FMN1: variants seen among roughly 807,000 people sequenced by gnomAD.
FMN1 encodes the protein formin-1.
A neutral mutation model predicts 132.4 loss-of-function variants in FMN1; 110 were observed. That is an observed-to-expected ratio of 0.83 (90% CI 0.71 to 0.97). The LOEUF (loss-of-function observed/expected upper bound fraction) is 0.97. FMN1 is among the 50% of genes least tolerant of loss of function. The pLI, the probability that FMN1 is intolerant of heterozygous loss-of-function variation, is 0.00. For synonymous variants in FMN1, 722 were observed against 651.7 expected (o/e 1.11, Z -1.64); for missense variants, 1,792 against 1,705.3 (o/e 1.05, Z -0.90).
At chr15:33,099,376 G>A (rs2039207782) in intron 4 of FMN1, among the ~76,000 whole-genome samples, 1 of 152,216 alleles carries the variant, frequency 6.6e-6, no homozygotes, top group Non-Finnish European at 1.5e-5. Flanking sequence ...CAGGAATCAT[G>A]TTTATTTCCT....
chr15:33,153,648 T>G lies in FMN1; in HGVS notation c.1267A>C (p.Lys423Gln). ...TCTAACTTCTCACTCTCTATCACCT[T>G]CAGGGGGACCTTGTTCACGGCCCCC... The part of the protein sequence containing the change: ...AEGAVNKVPL[K>Q]VIESEKLDEA... Residue 423 changes from lysine (K) to glutamine (Q), a missense_variant, in exon 4 of 21, where the codon AAG becomes CAG. Lys to Gln is a moderately conservative substitution (Grantham distance 53). Around this residue, in one of 3 missense-constraint regions of FMN1, gnomAD observed 638 missense variants for 645.2 expected, o/e 0.99. Coordinates refer to ENST00000616417, the MANE Select transcript of FMN1 (RefSeq NM_001277313.2). The G allele has an allele frequency of 6.5e-7, 1 of 1,536,314 alleles. No homozygotes were observed. Among genetic ancestry groups the G allele is most frequent in the Non-Finnish European group, 8.7e-7 (1 of 1,146,946 alleles).
At chr15:32,895,385 T>C (rs2060129388) in intron 15 of FMN1, among the ~76,000 whole-genome samples, 1 of 151,896 alleles carries the variant, frequency 6.6e-6, no homozygotes. Context: ...AAACACAACC[T>C]TGCTTGCCCA....
intron 8 of FMN1, among the ~76,000 whole-genome samples, chr15:32,964,925 T>A (rs899540199): frequency 1.7e-4 from 26 of 152,282 alleles, no homozygotes; most frequent in African/African-American, 6.0e-4. Context: ...ATAGGGAAAC[T>A]GGGCTGTTTC....
intron 7 of FMN1, among the ~76,000 whole-genome samples, chr15:32,982,705 C>G (rs2032775055): frequency 6.6e-6 from 1 of 152,104 alleles, no homozygotes; most frequent in African/African-American, 2.4e-5. Context: ...GACTGACTCT[C>G]CCACTACTAA....
Position 32,868,939 on chromosome 15 carries a change from TGTG to T in FMN1, c.3836-11835_3836-11833del, listed in dbSNP as rs1477545940. Among the ~76,000 whole-genome samples, 3 of 152,168 alleles carry T rather than the reference TGTG, an allele frequency of 2.0e-5. No individual in the cohort carries two copies. The East Asian group carries it at 5.8e-4, about 29-fold the overall frequency. On this transcript the variant is annotated intron_variant, in intron 16 of 20. Coordinates refer to ENST00000616417, the MANE Select transcript of FMN1 (RefSeq NM_001277313.2). The stretch of plus-strand genomic sequence containing the variant: ...AGGAAATGAACAAATTGTGATATAG[TGTG>T]GTGTGATGGAACGCTGGGTATAGGC...
At chr15:32,793,167 A>G (rs898547212) in intron 19 of FMN1, among the ~76,000 whole-genome samples, 1 of 152,000 alleles carries the variant, frequency 6.6e-6, no homozygotes, top group African/African-American at 2.4e-5. Flanking sequence ...TAATTCTTAC[A>G]GTTTTTTAGT....
At chr15:33,111,145 C>CT (rs2039686423) in intron 4 of FMN1, among the ~76,000 whole-genome samples, 1 of 152,122 alleles carries the variant, frequency 6.6e-6, no homozygotes, top group South Asian at 2.1e-4. Context: ...TTCCATGGTG[C>CT]TTTGCACATG....
chr15:33,048,678 C>T (rs2036828895), intron 6 of FMN1, among the ~76,000 whole-genome samples: 1 of 77,152 alleles, frequency 1.3e-5, no homozygotes, highest in Non-Finnish European at 3.0e-5. Flanking sequence ...TACAGTTCCA[C>T]ATGGCTGAGA....
In FMN1 at chr15:32,770,438, T is replaced by TAA. The variant is rs1325718066; in HGVS notation, c.*3870_*3871dup. 2.0e-5 allele frequency: 3 copies of TAA among 152,168 alleles called. No individual in the cohort carries two copies. Among genetic ancestry groups the TAA allele is most frequent in the African/African-American group, 7.2e-5 (3 of 41,422 alleles). The allele number at this position is 152,168 out of a possible 1,614,324, so 9.4% of individuals were successfully genotyped here. ...GAGAAAATGTGCAATCCCAGGCCAATAAGCAAATCTTTGCCCAAAATAAAC... is the reference window on the plus strand; with the variant it reads ...GAGAAAATGTGCAATCCCAGGCCAATAAAAGCAAATCTTTGCCCAAAATAAAC... On this transcript the variant is annotated 3_prime_UTR_variant, in exon 21 of 21. Transcript: ENST00000616417.
intron 4 of FMN1, among the ~76,000 whole-genome samples, chr15:33,127,398 A>T (rs1963194840): frequency 6.6e-6 from 1 of 152,214 alleles, no homozygotes; most frequent in Non-Finnish European, 1.5e-5. Context: ...TACCAGTCTC[A>T]AAGGATGGAC....
chr15:33,193,186 A>G (rs1199324080), intron 2 of FMN1, among the ~76,000 whole-genome samples: 1 of 152,032 alleles, frequency 6.6e-6, no homozygotes, highest in Non-Finnish European at 1.5e-5. Flanking sequence ...AAGACCCGAG[A>G]CCTCATTGAT....
intron 9 of FMN1, among the ~76,000 whole-genome samples, chr15:32,947,121 G>T (rs1300091187): frequency 2.0e-5 from 3 of 152,076 alleles, no homozygotes; most frequent in African/African-American, 7.2e-5. Flanking sequence ...AAGGCCAAAA[G>T]ATAGGCTCCT....
chr15:32,808,493 TG>T (rs1371134584), intron 17 of FMN1, among the ~76,000 whole-genome samples: 4 of 152,208 alleles, frequency 2.6e-5, no homozygotes, highest in African/African-American at 7.2e-5. Flanking sequence ...CAGAGTTAAA[TG>T]AAGTGTAGCA....
intron 6 of FMN1, among the ~76,000 whole-genome samples, chr15:33,017,449 TCAAC>T (rs1165278090): frequency 3.3e-5 from 5 of 152,014 alleles, no homozygotes; most frequent in Non-Finnish European, 7.3e-5. Context: ...AATTTTTCTA[TCAAC>T]CTAAAACTAC....
At chr15:33,127,856 T>G (rs796111191) in intron 4 of FMN1, among the ~76,000 whole-genome samples, 36 of 152,214 alleles carry the variant, frequency 2.4e-4, no homozygotes, top group African/African-American at 7.5e-4. Flanking sequence ...AAGAGAGAAG[T>G]GAGACAGTGC....
At chr15:33,190,483 A>G (rs1966035604) in intron 2 of FMN1, among the ~76,000 whole-genome samples, 1 of 152,034 alleles carries the variant, frequency 6.6e-6, no homozygotes, top group South Asian at 2.1e-4. Context: ...AGAGGTCCAT[A>G]TTTTTCCTTA....
intron 16 of FMN1, 40 bp from the exon 17 acceptor site, chr15:32,857,147 T>C: frequency 1.3e-6 from 2 of 1,484,216 alleles, no homozygotes; most frequent in South Asian, 1.1e-5. Flanking sequence ...GGAACACAGA[T>C]TTGCTGAGCT....
intron 17 of FMN1, among the ~76,000 whole-genome samples, chr15:32,845,153 T>C (rs1451189766): frequency 6.6e-6 from 1 of 152,228 alleles, no homozygotes; most frequent in Non-Finnish European, 1.5e-5. Flanking sequence ...TGATAGCATC[T>C]TTGATCAATC....
chr15:33,001,345 GATTT>G (rs1206840369), intron 7 of FMN1, among the ~76,000 whole-genome samples: 1 of 152,004 alleles, frequency 6.6e-6, no homozygotes, highest in Non-Finnish European at 1.5e-5. Flanking sequence ...CAAAAGCAAA[GATTT>G]ATTGATTATT....
Sources: gnomAD v4.1 joint callset for allele counts (sites outside exome capture counted in the v4.1 genomes callset) on GRCh38, gnomAD v4.1.1 for gene constraint, gnomAD v4.1.1 regional missense constraint, MANE v1.5 for transcripts, NCBI Gene and HGNC (gene_info 2026-07-23, HGNC 2026-07-21) for gene names.